The following PPARGC1A variants were observed in gnomAD, a reference collection of about 807,000 sequenced individuals.
PPARGC1A encodes PPARG coactivator 1 alpha.
A neutral mutation model predicts 88.7 loss-of-function variants in PPARGC1A; 25 were observed. That is an observed-to-expected ratio of 0.28 (90% CI 0.21 to 0.39). PPARGC1A has a LOEUF of 0.39. Among genes scored for constraint, PPARGC1A ranks in the 10% least tolerant of loss-of-function variants. The pLI, the probability that PPARGC1A is intolerant of heterozygous loss-of-function variation, is 1.00. For missense variants in PPARGC1A, 880 were observed against 968.7 expected (o/e 0.91, Z 1.22); for synonymous variants, 363 against 355.6 (o/e 1.02, Z -0.24).
the PPARGC1A span, among the ~76,000 whole-genome samples, chr4:24,038,587 A>G: frequency 3.3e-5 from 5 of 152,048 alleles, no homozygotes; most frequent in African/African-American, 1.2e-4. Flanking sequence ...CTATATCCAG[A>G]CCCTGAAACC....
chr4:24,272,107 T>C, the PPARGC1A span, among the ~76,000 whole-genome samples: 3 of 152,116 alleles, frequency 2.0e-5, no homozygotes, highest in Non-Finnish European at 4.4e-5. Flanking sequence ...GTTTTCTCCA[T>C]CTCCTTTTTC....
chr4:24,153,493 A>AT, the PPARGC1A span, among the ~76,000 whole-genome samples: 1 of 152,326 alleles, frequency 6.6e-6, no homozygotes, highest in East Asian at 1.9e-4. Flanking sequence ...AATAGCAATT[A>AT]TCAGCAGACA....
Position 23,844,441 on chromosome 4 carries a change from T to G in PPARGC1A, c.235-12690A>C, listed in dbSNP as rs1270451503. Among the ~76,000 whole-genome samples the G allele has an allele frequency of 1.4e-4, 17 of 124,856 alleles. No homozygotes were observed. In the South Asian group the frequency reaches 2.1e-3, roughly 15 times the overall value. The allele number at this position is 124,856 out of a possible 152,430, so 81.9% of individuals were successfully genotyped here. Reference sequence around the variant, plus strand: ...TATAATATATTATATATATTATATATAATATAGAATATATTTATTATATAT... The same window carrying G: ...TATAATATATTATATATATTATATAGAATATAGAATATATTTATTATATAT... On this transcript the variant is annotated intron_variant, in intron 2 of 12. Transcript: ENST00000264867.
the PPARGC1A span, among the ~76,000 whole-genome samples, chr4:24,051,292 G>A: frequency 1.3e-5 from 2 of 151,662 alleles, no homozygotes; most frequent in Admixed American, 1.3e-4. Flanking sequence ...GAAAGGCATG[G>A]CTCTTGCCCC....
chr4:23,841,515 T>C (rs1256042991), intron 2 of PPARGC1A, among the ~76,000 whole-genome samples: 5 of 152,034 alleles, frequency 3.3e-5, no homozygotes, highest in Non-Finnish European at 5.9e-5. Flanking sequence ...TCACGTGTGT[T>C]AACTTTCTTA....
upstream of PPARGC1A, among the ~76,000 whole-genome samples, chr4:23,902,561 T>C (rs866664794): frequency 8.5e-5 from 13 of 152,258 alleles, no homozygotes; most frequent in Middle Eastern, 6.8e-3. Context: ...GCAAAACATA[T>C]AGAGAGTAAT....
the PPARGC1A span, among the ~76,000 whole-genome samples, chr4:24,049,364 G>C: frequency 3.4e-5 from 5 of 147,202 alleles, no homozygotes; most frequent in African/African-American, 5.0e-5. Flanking sequence ...AATCAGGGAA[G>C]TAGAGAACCT....
At chr4:24,196,828 T>G in the PPARGC1A span, among the ~76,000 whole-genome samples, 4 of 152,244 alleles carry the variant, frequency 2.6e-5, no homozygotes, top group Non-Finnish European at 5.9e-5. Flanking sequence ...CCCTTGAATT[T>G]ATTTCTGTGA....
At chr4:24,469,015 C>T in the PPARGC1A span, among the ~76,000 whole-genome samples, 1 of 151,980 alleles carries the variant, frequency 6.6e-6, no homozygotes, top group Non-Finnish European at 1.5e-5. Flanking sequence ...CCTTCATAAG[C>T]ACTATATAAC....
chr4:23,989,913 T>G, the PPARGC1A span, among the ~76,000 whole-genome samples: 1 of 150,532 alleles, frequency 6.6e-6, no homozygotes, highest in South Asian at 2.1e-4. Context: ...CTGTTGAAAT[T>G]TTTTTTAATT....
the PPARGC1A span, among the ~76,000 whole-genome samples, chr4:23,926,299 C>A: frequency 6.6e-6 from 1 of 152,166 alleles, no homozygotes; most frequent in Non-Finnish European, 1.5e-5. Flanking sequence ...ATCCTCCCAA[C>A]CTCAGCTGCT....
the PPARGC1A span, among the ~76,000 whole-genome samples, chr4:24,005,690 A>G: frequency 6.6e-6 from 1 of 152,188 alleles, no homozygotes; most frequent in Non-Finnish European, 1.5e-5. Flanking sequence ...AACAAATGCC[A>G]AGAATGATGA....
At chr4:24,103,470 A>G in the PPARGC1A span, among the ~76,000 whole-genome samples, 1 of 152,066 alleles carries the variant, frequency 6.6e-6, no homozygotes, top group Non-Finnish European at 1.5e-5. Flanking sequence ...CAGGACAGAG[A>G]GCAGAGCCCT....
the PPARGC1A span, among the ~76,000 whole-genome samples, chr4:24,222,937 A>G: frequency 1.6e-4 from 25 of 152,338 alleles, 1 homozygote; most frequent in African/African-American, 6.0e-4. Flanking sequence ...ATCTTCATAC[A>G]TAAAAATTAG....
the PPARGC1A span, among the ~76,000 whole-genome samples, chr4:24,149,530 T>A: frequency 1.3e-5 from 2 of 152,298 alleles, no homozygotes; most frequent in East Asian, 3.9e-4. Flanking sequence ...TTTGTTCATT[T>A]AGGGAATCAA....
intron 7 of PPARGC1A, among the ~76,000 whole-genome samples, chr4:23,822,549 ACT>A (rs1347103185): frequency 6.6e-6 from 1 of 151,700 alleles, no homozygotes; most frequent in African/African-American, 2.4e-5. Context: ...CCCTTTGATA[ACT>A]CTTTTTCTCC....
intron 1 of PPARGC1A, chr4:23,899,265 A>G (rs1294376480): frequency 1.3e-5 from 2 of 152,180 alleles, no homozygotes; most frequent in Non-Finnish European, 1.5e-5. Context: ...GGGAACTCCC[A>G]CCTGGGGCTC....
At chr4:24,150,130 C>G in the PPARGC1A span, among the ~76,000 whole-genome samples, 1 of 152,048 alleles carries the variant, frequency 6.6e-6, no homozygotes, top group South Asian at 2.1e-4. Flanking sequence ...GTAGTGCAAA[C>G]AAGGTGAGAG....
chr4:24,405,756 A>G, the PPARGC1A span, among the ~76,000 whole-genome samples: 5 of 152,072 alleles, frequency 3.3e-5, no homozygotes, highest in Non-Finnish European at 7.4e-5. Context: ...TTAGAGGACA[A>G]AAAAAAATCT....
Sources: allele counts gnomAD v4.1 joint callset (sites outside exome capture counted in the v4.1 genomes callset), GRCh38; gene constraint gnomAD v4.1.1; transcripts MANE v1.5; gene names NCBI Gene and HGNC (gene_info 2026-07-23, HGNC 2026-07-21).